FAM149A: variants seen among roughly 807,000 people sequenced by gnomAD.
FAM149A encodes the protein protein FAM149A.
A neutral mutation model predicts 78.2 loss-of-function variants in FAM149A; 71 were observed. That is an observed-to-expected ratio of 0.91 (90% CI 0.75 to 1.11). The LOEUF (loss-of-function observed/expected upper bound fraction) is 1.11, where lower values mean the gene tolerates loss of function less well. FAM149A is among the 50% of genes least tolerant of loss of function. The pLI, the probability that FAM149A is intolerant of heterozygous loss-of-function variation, is 0.00. For missense variants in FAM149A, 1,036 were observed against 971.0 expected, an observed-to-expected ratio of 1.07 and a Z score of -0.89; for synonymous variants, 446 against 410.5, an observed-to-expected ratio of 1.09 and a Z score of -1.04.
intron 3 of FAM149A, among the ~76,000 whole-genome samples, chr4:186,149,945 T>C (rs1165960128): frequency 2.0e-5 from 3 of 152,218 alleles, no homozygotes; most frequent in Admixed American, 6.5e-5. Flanking sequence ...TTTTCTTGTT[T>C]CCACCCTGCA....
At chr4:186,147,175 G>C (rs1254187056) in intron 1 of FAM149A, among the ~76,000 whole-genome samples, 2 of 152,174 alleles carry the variant, frequency 1.3e-5, no homozygotes, top group Non-Finnish European at 2.9e-5. Context: ...TTGAGCCCAA[G>C]AGTTCAAGAC....
chr4:186,162,469 T>C (rs918211449), intron 8 of FAM149A, among the ~76,000 whole-genome samples: 2 of 152,142 alleles, frequency 1.3e-5, no homozygotes, highest in Admixed American at 1.3e-4. Context: ...ACCTCCGGGA[T>C]CTCAGAGCAT....
At chr4:186,122,032 A>G (rs1344078209) in intron 1 of FAM149A, among the ~76,000 whole-genome samples, 1 of 152,224 alleles carries the variant, frequency 6.6e-6, no homozygotes, top group Non-Finnish European at 1.5e-5. Context: ...AGATCAGAAT[A>G]GCCAATACCT....
chr4:186,130,238 G>C (rs1030153096), intron 1 of FAM149A: 2 of 122,694 alleles, frequency 1.6e-5, no homozygotes, highest in Admixed American at 9.1e-5. Flanking sequence ...ACTCCAAAAA[G>C]GAATCTAAAA....
At chr4:186,171,006 A>C (rs1038659661) in intron 13 of FAM149A, 3 of 152,414 alleles carry the variant, frequency 2.0e-5, no homozygotes, top group Non-Finnish European at 4.4e-5. Flanking sequence ...GAATCATTCC[A>C]ATCAGTGATT....
At position 186,157,668 on chromosome 4, in the gene FAM149A, A is replaced by G. The variant is rs1158641281; in HGVS notation, c.1524A>G (p.Gly508=). ...ATGGAGCCAGTGGCCCCCCGTCCGG[A>G]CACGCCGAGGCTCACGGCATCTCCC... The change falls in exon 8 of 14, where the codon GGA becomes GGG. Residue 508 remains glycine, a synonymous_variant. Coordinates refer to ENST00000389354, the MANE Select transcript of FAM149A (RefSeq NM_001367768.3). 4.3e-6 allele frequency: 7 copies of G among 1,613,920 alleles called. No homozygotes were observed. Among genetic ancestry groups the G allele is most frequent in the Non-Finnish European group, 5.9e-6 (7 of 1,179,962 alleles).
intron 13 of FAM149A, chr4:186,171,129 G>C (rs527442732): frequency 1.3e-5 from 2 of 152,406 alleles, no homozygotes; most frequent in African/African-American, 2.4e-5. Context: ...TGTTGGCTCC[G>C]TGCACCCTGC....
rs1561379364 is a variant in FAM149A at position 186,105,044 on chromosome 4, CG to C, written c.-31del. 1.0e-5 allele frequency: 13 copies of C among 1,263,252 alleles called. No homozygotes were observed. The highest frequency in any genetic ancestry group is 6.4e-5 in the African/African-American group (4 of 62,276). The allele number at this position is 1,263,252 out of a possible 1,614,324, so 78.3% of individuals were successfully genotyped here. ...GATCTCCGCGGTCTGAACTCTCGGG[CG>C]GCGGCGAGGACGGCGTGTCCACTGT... On this transcript the variant is annotated 5_prime_UTR_variant, in exon 1 of 14. Transcript: ENST00000389354.
intron 6 of FAM149A, 102 bp downstream of exon 6, chr4:186,154,740 T>G (rs1438005305): frequency 7.6e-6 from 11 of 1,448,054 alleles, no homozygotes; most frequent in Non-Finnish European, 9.1e-6. Flanking sequence ...TATTTTTTAC[T>G]CACCCAAAAG....
chr4:186,110,130 C>A (rs1008895270), intron 1 of FAM149A: 26 of 985,146 alleles, frequency 2.6e-5, no homozygotes, highest in Non-Finnish European at 2.8e-5. Flanking sequence ...GAACACATGC[C>A]CATAAAAGAC....
intron 13 of FAM149A, among the ~76,000 whole-genome samples, chr4:186,167,881 C>G (rs1735195806): frequency 6.6e-6 from 1 of 152,088 alleles, no homozygotes; most frequent in African/African-American, 2.4e-5. Context: ...AGGAATGTCC[C>G]AACCTCTCTG....
At chr4:186,153,430 T>C in intron 4 of FAM149A, 1 of 985,364 alleles carries the variant, frequency 1.0e-6, no homozygotes, top group African/African-American at 1.7e-5. Flanking sequence ...CAAATGAAAT[T>C]AGCCTGAGAA....
rs146121160 is a variant in FAM149A, at chr4:186,162,946, G to A, written c.1677G>A (p.Thr559=). The A allele has an allele frequency of 6.8e-5, 108 of 1,583,398 alleles. 1 individual carries two copies. In the East Asian group the frequency reaches 1.5e-3, roughly 21 times the overall value. ...GACCTGCCTATTTTGCTGACAGAAC[G>A]CAGTACGTATCAGAATCAGTAGTAG... is the stretch of plus-strand genomic sequence containing the variant. Residue 559 remains threonine, a splice_region_variant and synonymous_variant, in exon 9 of 14, where the codon ACG becomes ACA. Transcript: ENST00000389354.
intron 13 of FAM149A, chr4:186,169,823 C>T: frequency 1.2e-5 from 12 of 985,420 alleles, no homozygotes; most frequent in Non-Finnish European, 1.4e-5. Context: ...ACGGTCCATG[C>T]CAGTCATCTG....
At chr4:186,150,620 CGTGTTAGCCAGG>C (rs1467890215) in intron 3 of FAM149A, among the ~76,000 whole-genome samples, 1 of 141,032 alleles carries the variant, frequency 7.1e-6, no homozygotes, top group Non-Finnish European at 1.5e-5. Flanking sequence ...GGGGTTTCAC[CGTGTTAGCCAGG>C]ATGGTCTCGA....
intron 13 of FAM149A, among the ~76,000 whole-genome samples, chr4:186,170,142 C>A (rs1283575035): frequency 6.6e-6 from 1 of 152,226 alleles, no homozygotes; most frequent in Non-Finnish European, 1.5e-5. Flanking sequence ...CTCGGCAGGG[C>A]CTGTGCAGTC....
In FAM149A at chr4:186,144,932, CGGG is replaced by C; in HGVS notation, c.567-4240_567-4238del. ...AGCTGGGCCAGCCGCGCGGCGGGCG[CGGG>C]CGCGGGCGCGGGCGCGGGCGCGGGC... On this transcript the variant is annotated intron_variant, in intron 1 of 13. Transcript: ENST00000389354. This position sits in a 1 kb window ranked among gnomAD's most constrained non-coding sequence, Gnocchi z 4.2. 6 of 242,188 alleles carry C rather than the reference CGGG, an allele frequency of 2.5e-5. No homozygotes were observed. Among genetic ancestry groups the C allele is most frequent in the Non-Finnish European group, 2.8e-5 (6 of 214,162 alleles). The allele number at this position is 242,188 out of a possible 1,614,324, so 15.0% of individuals were successfully genotyped here.
intron 8 of FAM149A, chr4:186,160,968 T>A: frequency 2.7e-6 from 2 of 736,888 alleles, no homozygotes; most frequent in Non-Finnish European, 3.3e-6. Flanking sequence ...CTGTGAGAAT[T>A]AAAGGAGATA....
Position 186,105,026 on chromosome 4 carries a change from G to A in FAM149A, c.-51G>A. ...CCCGGGCCGCCTCGGCCGGATCTCCGCGGTCTGAACTCTCGGGCGGCGGCG... is the reference window on the plus strand; with the variant it reads ...CCCGGGCCGCCTCGGCCGGATCTCCACGGTCTGAACTCTCGGGCGGCGGCG... On this transcript the variant is annotated 5_prime_UTR_variant, in exon 1 of 14. Coordinates refer to ENST00000389354, the MANE Select transcript of FAM149A (RefSeq NM_001367768.3). The A allele has an allele frequency of 8.0e-7, 1 of 1,256,874 alleles. No homozygotes were observed. The highest frequency in any genetic ancestry group is 1.0e-6 in the Non-Finnish European group (1 of 974,986). 77.9% of individuals were successfully genotyped at this position (1,256,874 alleles called of 1,614,324 possible).
Sources: gnomAD v4.1 joint callset for allele counts (sites outside exome capture counted in the v4.1 genomes callset) on GRCh38, gnomAD v4.1.1 for gene constraint, Gnocchi (gnomAD v3.1) non-coding constraint, MANE v1.5 for transcripts, NCBI Gene and HGNC (gene_info 2026-07-23, HGNC 2026-07-21) for gene names.